STX5: variants seen among roughly 807,000 people sequenced by gnomAD.
STX5 encodes the protein syntaxin-5.
In STX5, 15 loss-of-function variants were observed where a neutral mutation model predicts 42.9. The observed-to-expected ratio is 0.35, with a 90% CI of 0.23 to 0.54. STX5 has a LOEUF of 0.54. Among genes scored for constraint, STX5 ranks in the 20% least tolerant of loss-of-function variants. STX5 has a pLI of 0.91. For synonymous variants in STX5, 184 were observed against 173.2 expected (o/e 1.06, Z -0.49); for missense variants, 430 against 455.0 (o/e 0.95, Z 0.50).
chr11:62,824,984 C>G (rs754793862), intron 8 of STX5, 52 bp downstream of exon 8: 1 of 1,584,604 alleles, frequency 6.3e-7, no homozygotes, highest in East Asian at 2.2e-5. Context: ...GCCATCACAA[C>G]CAGAGTAAGT....
chr11:62,823,605 G>A (rs2084762949), intron 10 of STX5, among the ~76,000 whole-genome samples: 1 of 152,006 alleles, frequency 6.6e-6, no homozygotes, highest in Non-Finnish European at 1.5e-5. Flanking sequence ...GAGTGCAGTG[G>A]CACGATCTTG....
Position 62,831,082 on chromosome 11 carries a change from G to T in STX5, c.162C>A (p.Thr54=). Residue 54 remains threonine, a synonymous_variant, in exon 2 of 11, where the codon ACC becomes ACA. Transcript: ENST00000294179. ...PVTLVPPPPD[T]MSCRDRTQEF... ...CCTGGGTCCGATCCCGGCAGGACATGGTGTCGGGAGGGGGAGGGACGAGGG... is the reference window on the plus strand; with the variant it reads ...CCTGGGTCCGATCCCGGCAGGACATTGTGTCGGGAGGGGGAGGGACGAGGG... The T allele has an allele frequency of 6.4e-7, 1 of 1,556,238 alleles. No individual in the cohort carries two copies. Among genetic ancestry groups the T allele is most frequent in the Non-Finnish European group, 8.7e-7 (1 of 1,150,258 alleles).
chr11:62,831,981 C>T lies in STX5; in HGVS notation c.-47G>A, dbSNP rs1177382707. 4.3e-6 allele frequency: 2 copies of T among 464,940 alleles called. No individual in the cohort carries two copies. Among genetic ancestry groups the T allele is most frequent in the Non-Finnish European group, 8.6e-6 (2 of 233,260 alleles). The allele number at this position is 464,940 out of a possible 1,614,324, so 28.8% of individuals were successfully genotyped here. A position where few individuals can be genotyped will look rare whatever the true frequency, so the allele number is the denominator to read the frequency against. On this transcript the variant is annotated 5_prime_UTR_variant, in exon 1 of 11. Transcript: ENST00000294179. ...CCCCTCTGCCGCCTGCCGCCGCCGC[C>T]ACTTCCAATCTCACCGGCCGTCACT...
chr11:62,824,243 C>T lies in STX5; in HGVS notation c.831G>A (p.Glu277=), dbSNP rs1344170184. 1.2e-6 allele frequency: 2 copies of T among 1,614,162 alleles called. No homozygotes were observed. Among genetic ancestry groups the T allele is most frequent in the East Asian group, 2.2e-5 (1 of 44,880 alleles). The part of the protein sequence containing the change: ...QSRADTMQNI[E]STIVELGSIF... The stretch of plus-strand genomic sequence containing the variant: ...TGGAGCCCAACTCAACAATTGTCGA[C>T]TCAATGTTCTGCATGGTGTCTGCCC... Residue 277 remains glutamate, a synonymous_variant, in exon 10 of 11, where the codon GAG becomes GAA. Transcript: ENST00000294179.
chr11:62,815,310 G>A (rs997427763), intron 10 of STX5, among the ~76,000 whole-genome samples: 3 of 151,812 alleles, frequency 2.0e-5, no homozygotes, highest in East Asian at 1.9e-4. Flanking sequence ...CCAGCCAACC[G>A]GGTGTGGTTT....
intron 10 of STX5, among the ~76,000 whole-genome samples, chr11:62,816,350 A>G (rs989307143): frequency 6.6e-6 from 1 of 152,138 alleles, no homozygotes; most frequent in African/African-American, 2.4e-5. Context: ...TGGCACCATC[A>G]TAGCCTATTG....
At chr11:62,831,527 A>G (rs1260707627) in intron 1 of STX5, among the ~76,000 whole-genome samples, 1 of 152,062 alleles carries the variant, frequency 6.6e-6, no homozygotes, top group African/African-American at 2.4e-5. Flanking sequence ...AGACAGGGCC[A>G]GAGCCAACCC....
chr11:62,821,506 C>T (rs1281250819), intron 10 of STX5, among the ~76,000 whole-genome samples: 3 of 148,114 alleles, frequency 2.0e-5, no homozygotes, highest in Non-Finnish European at 4.5e-5. Flanking sequence ...GGGCGGATTG[C>T]CTGAGGTCAG....
intron 9 of STX5, 47 bp downstream of exon 9, chr11:62,824,412 A>G (rs1249460250): frequency 5.6e-6 from 9 of 1,613,418 alleles, no homozygotes; most frequent in African/African-American, 1.3e-5. Context: ...CGGGAACCAC[A>G]GAGGATAATG....
chr11:62,830,435 T>A (rs1298205614), intron 2 of STX5: 2 of 431,366 alleles, frequency 4.6e-6, no homozygotes, highest in African/African-American at 4.1e-5. Flanking sequence ...TAGTCCCAGC[T>A]GCTCAGGAGG....
intron 1 of STX5, 126 bp from the exon 2 acceptor site, chr11:62,831,388 C>T: frequency 1.3e-6 from 1 of 752,374 alleles, no homozygotes; most frequent in Non-Finnish European, 2.3e-6. Flanking sequence ...CCAGGACGCT[C>T]GCAAATCCTG....
chr11:62,808,841 T>G (rs1383613226), intron 10 of STX5, among the ~76,000 whole-genome samples: 1 of 152,182 alleles, frequency 6.6e-6, no homozygotes, highest in East Asian at 1.9e-4. Context: ...CAGCACTAAT[T>G]TAATCAGTGT....
chr11:62,828,973 A>G (rs1441789750), intron 2 of STX5, among the ~76,000 whole-genome samples: 1 of 151,782 alleles, frequency 6.6e-6, no homozygotes, highest in African/African-American at 2.4e-5. Context: ...CTGAGGCAGG[A>G]GAATCACTTA....
chr11:62,812,337 A>G (rs1006333842), intron 10 of STX5, among the ~76,000 whole-genome samples: 1 of 152,084 alleles, frequency 6.6e-6, no homozygotes, highest in Non-Finnish European at 1.5e-5. Context: ...TCGGCCTCCC[A>G]AAGTGCTGGG....
At position 62,815,428 on chromosome 11, in the gene STX5, G is replaced by C. The variant is rs539898466; in HGVS notation, c.909-7800C>G. ...CATTAATTTTCACAGACATAACTGG[G>C]TGTGGTTTTTATTTTTTGAGACAGA... On this transcript the variant is annotated intron_variant, in intron 10 of 10. Transcript: ENST00000294179. Among the ~76,000 whole-genome samples the C allele has an allele frequency of 6.6e-5, 10 of 151,456 alleles. No individual in the cohort carries two copies. In the East Asian group the frequency reaches 1.9e-3, roughly 29 times the overall value.
At chr11:62,822,059 A>G (rs904564958) in intron 10 of STX5, among the ~76,000 whole-genome samples, 8 of 151,532 alleles carry the variant, frequency 5.3e-5, no homozygotes, top group African/African-American at 9.7e-5. Context: ...ACATGCATAA[A>G]TAAATAAAGT....
At chr11:62,827,660 T>A in intron 2 of STX5, 29 bp from the exon 3 acceptor site, 4 of 1,613,658 alleles carry the variant, frequency 2.5e-6, no homozygotes, top group Non-Finnish European at 3.4e-6. Flanking sequence ...AGGTGACAAC[T>A]TTAGTTCTCC....
At chr11:62,828,080 A>T (rs1409645047) in intron 2 of STX5, among the ~76,000 whole-genome samples, 4 of 151,218 alleles carry the variant, frequency 2.6e-5, no homozygotes, top group Non-Finnish European at 5.9e-5. Flanking sequence ...ATCATACAGA[A>T]GAGCAGCTTT....
rs1339233457 is a variant in STX5 at position 62,807,548 on chromosome 11, G to A, written c.989C>T (p.Thr330Ile). The change falls in exon 11 of 11, where the codon ACC (threonine) becomes ATC (isoleucine). Residue 330 changes from threonine (T) to isoleucine (I), a missense_variant. Coordinates refer to ENST00000294179, the MANE Select transcript of STX5 (RefSeq NM_003164.5). ...TTTGACCATGAGCCACCGGTTGGAG[G>A]TGACAGACTGGAAGTACTTGAGGAT... ...SEILKYFQSV[T>I]SNRWLMVKIF... 2.5e-6 allele frequency: 4 copies of A among 1,614,180 alleles called. No individual in the cohort carries two copies. Among genetic ancestry groups the A allele is most frequent in the Non-Finnish European group, 3.4e-6 (4 of 1,180,034 alleles).
Sources: gnomAD v4.1 joint callset for allele counts (sites outside exome capture counted in the v4.1 genomes callset) on GRCh38, gnomAD v4.1.1 for gene constraint, MANE v1.5 for transcripts, NCBI Gene and HGNC (gene_info 2026-07-23, HGNC 2026-07-21) for gene names.